PTPRD: variants seen among roughly 807,000 people sequenced by gnomAD.
The protein encoded by PTPRD is protein tyrosine phosphatase receptor type D.
In PTPRD, 34 loss-of-function variants were observed where a neutral mutation model predicts 214.5. The observed-to-expected ratio is 0.16, with a 90% CI of 0.12 to 0.21. The LOEUF is 0.21. Ranked by LOEUF, PTPRD falls within the 10% of genes least tolerant of loss-of-function variation. The pLI is 1.00. For synonymous variants in PTPRD, 1,128 were observed against 845.7 expected (o/e 1.33, Z -5.79); for missense variants, 2,545 against 2,398.7 (o/e 1.06, Z -1.27).
At chr9:9,508,383 G>A (rs571279284) in intron 8 of PTPRD, among the ~76,000 whole-genome samples, 12 of 151,570 alleles carry the variant, frequency 7.9e-5, no homozygotes, top group South Asian at 2.1e-4. Context: ...ATGACCTTTC[G>A]TGAGTAGAAA....
intron 39 of PTPRD, among the ~76,000 whole-genome samples, chr9:8,368,583 G>C (rs181003922): frequency 2.6e-5 from 4 of 151,740 alleles, no homozygotes; most frequent in Admixed American, 2.0e-4. Context: ...CATTTCATCA[G>C]GCAGCCAGAA....
chr9:9,512,032 G>C (rs1201410305), intron 8 of PTPRD, among the ~76,000 whole-genome samples: 1 of 151,728 alleles, frequency 6.6e-6, no homozygotes, highest in Non-Finnish European at 1.5e-5. Flanking sequence ...AACAGATTAT[G>C]ACATATTTTG....
chr9:10,109,511 C>T (rs1475303424), intron 3 of PTPRD, among the ~76,000 whole-genome samples: 2 of 152,170 alleles, frequency 1.3e-5, no homozygotes, highest in South Asian at 4.1e-4. Context: ...TGAACTAATT[C>T]TTTACCAAGT....
intron 10 of PTPRD, among the ~76,000 whole-genome samples, chr9:9,109,353 G>C (rs983808315): frequency 1.3e-5 from 2 of 152,132 alleles, no homozygotes; most frequent in South Asian, 2.1e-4. Flanking sequence ...GTCATGAAGA[G>C]AGGCTATGGT....
chr9:9,470,556 A>C (rs527361821), intron 8 of PTPRD, among the ~76,000 whole-genome samples: 1 of 152,320 alleles, frequency 6.6e-6, no homozygotes, highest in East Asian at 1.9e-4. Flanking sequence ...AACAGTATAC[A>C]CTTAGTAAAA....
chr9:10,105,693 T>C (rs573047172), intron 3 of PTPRD, among the ~76,000 whole-genome samples: 10 of 151,978 alleles, frequency 6.6e-5, no homozygotes, highest in Admixed American at 2.0e-4. Flanking sequence ...GATGTCTGAA[T>C]TACTAACATG....
intron 14 of PTPRD, among the ~76,000 whole-genome samples, chr9:8,576,254 C>T (rs1369415292): frequency 2.0e-5 from 3 of 152,066 alleles, no homozygotes; most frequent in African/African-American, 7.2e-5. Flanking sequence ...ATGTCAATAC[C>T]TATAATAACT....
chr9:9,826,454 T>A (rs2052877245), intron 5 of PTPRD, among the ~76,000 whole-genome samples: 1 of 151,968 alleles, frequency 6.6e-6, no homozygotes, highest in Non-Finnish European at 1.5e-5. Context: ...TAGATTTTAT[T>A]TTCAGTCATA....
intron 10 of PTPRD, among the ~76,000 whole-genome samples, chr9:9,049,171 G>C (rs1224281036): frequency 6.6e-6 from 1 of 152,054 alleles, no homozygotes; most frequent in Non-Finnish European, 1.5e-5. Flanking sequence ...ACCTTCTCAA[G>C]GAACATTCTA....
intron 12 of PTPRD, among the ~76,000 whole-genome samples, chr9:8,648,630 T>C (rs561954244): frequency 1.3e-5 from 2 of 152,340 alleles, no homozygotes; most frequent in Admixed American, 6.5e-5. Context: ...ATCCGTTTTG[T>C]TCAATAGAGT....
chr9:9,177,742 CA>C (rs1380048809), intron 10 of PTPRD, among the ~76,000 whole-genome samples: 1 of 152,008 alleles, frequency 6.6e-6, no homozygotes, highest in Non-Finnish European at 1.5e-5. Context: ...ATTTAAAAAT[CA>C]GCTTAAGAGG....
intron 4 of PTPRD, among the ~76,000 whole-genome samples, chr9:9,965,613 C>G (rs960001973): frequency 2.0e-5 from 3 of 152,130 alleles, no homozygotes; most frequent in Non-Finnish European, 2.9e-5. Flanking sequence ...ATTACCTACT[C>G]CTTCTTTTCT....
chr9:9,028,150 C>A (rs2099593390), intron 10 of PTPRD, among the ~76,000 whole-genome samples: 1 of 151,918 alleles, frequency 6.6e-6, no homozygotes, highest in African/African-American at 2.4e-5. Context: ...TGTTGGTTAT[C>A]CCTTATCAAA....
intron 14 of PTPRD, among the ~76,000 whole-genome samples, chr9:8,534,291 T>A (rs574935246): frequency 2.0e-5 from 3 of 151,896 alleles, no homozygotes; most frequent in South Asian, 2.1e-4. Flanking sequence ...AAGAACACAA[T>A]AGAACACGTA....
At chr9:8,812,516 A>G (rs2096830839) in intron 11 of PTPRD, among the ~76,000 whole-genome samples, 1 of 152,228 alleles carries the variant, frequency 6.6e-6, no homozygotes, top group South Asian at 2.1e-4. Flanking sequence ...TGATAAAGTT[A>G]TTTAATATAT....
chr9:8,486,233 G>A lies in PTPRD; in HGVS notation c.2584C>T (p.Arg862Cys), dbSNP rs763867237. 16 of 1,613,990 alleles carry A rather than the reference G, an allele frequency of 9.9e-6. No homozygotes were observed. Among genetic ancestry groups the A allele is most frequent in the East Asian group, 6.7e-5 (3 of 44,892 alleles). ...GTAGTAAGTGGCTCCATATCCTTGCGGCCAAATTTTAGACGGTAGCCCTGA... is the reference window on the plus strand; with the variant it reads ...GTAGTAAGTGGCTCCATATCCTTGCAGCCAAATTTTAGACGGTAGCCCTGA... Reference protein sequence around the residue: ...PLQGYRLKFGRKDMEPLTTLE... With the variant: ...PLQGYRLKFGCKDMEPLTTLE... Residue 862 changes from arginine (R) to cysteine (C), a missense_variant, in exon 28 of 46, where the codon CGC becomes TGC. Arg to Cys is a radical substitution (Grantham distance 180). Coordinates refer to ENST00000381196, the MANE Select transcript of PTPRD (RefSeq NM_002839.4).
intron 10 of PTPRD, among the ~76,000 whole-genome samples, chr9:9,127,915 T>G (rs548323691): frequency 5.4e-4 from 83 of 152,336 alleles, no homozygotes; most frequent in Non-Finnish European, 1.8e-4. Context: ...TTGCCACTAC[T>G]AGAATATCTG....
intron 30 of PTPRD, among the ~76,000 whole-genome samples, chr9:8,483,500 C>T (rs1426700613): frequency 6.6e-6 from 1 of 152,166 alleles, no homozygotes; most frequent in Non-Finnish European, 1.5e-5. Flanking sequence ...TGCCTATAAT[C>T]CTAGCACTTT....
At chr9:8,789,600 A>C (rs1343464023) in intron 11 of PTPRD, among the ~76,000 whole-genome samples, 3 of 152,200 alleles carry the variant, frequency 2.0e-5, no homozygotes, top group African/African-American at 7.2e-5. Context: ...TGTAAATGCC[A>C]CTGGGCATTT....
Sources: allele counts gnomAD v4.1 joint callset (sites outside exome capture counted in the v4.1 genomes callset), GRCh38; gene constraint gnomAD v4.1.1; transcripts MANE v1.5; gene names NCBI Gene and HGNC (gene_info 2026-07-23, HGNC 2026-07-21).